The following FOCAD variants were observed in gnomAD, a reference collection of about 807,000 sequenced individuals.
The protein encoded by FOCAD is KIAA1797.
FOCAD carries 198 observed loss-of-function variants against 225.6 expected under a neutral mutation model. The ratio of observed to expected loss-of-function variants is 0.88; its 90% CI spans 0.78 to 0.99. FOCAD has a LOEUF of 0.99. Among genes scored for constraint, FOCAD ranks in the 50% least tolerant of loss-of-function variants. FOCAD has a pLI of 0.00. For synonymous variants in FOCAD, 897 were observed against 755.0 expected (o/e 1.19, Z -3.08); for missense variants, 2,713 against 2,123.6 (o/e 1.28, Z -5.46).
At chr9:20,865,858 T>C in intron 16 of FOCAD, 68 bp from the exon 17 acceptor site, 2 of 1,137,126 alleles carry the variant, frequency 1.8e-6, no homozygotes, top group South Asian at 2.8e-5. Context: ...TATTTGCTAC[T>C]TTGGATTATT....
intron 11 of FOCAD, among the ~76,000 whole-genome samples, chr9:20,817,909 G>C (rs925030796): frequency 2.0e-5 from 3 of 152,140 alleles, no homozygotes; most frequent in African/African-American, 7.2e-5. Flanking sequence ...ACTAGGAATA[G>C]AATTGCTACA....
chr9:20,781,658 A>G, intron 9 of FOCAD, 69 bp from the exon 10 acceptor site: 2 of 1,430,874 alleles, frequency 1.4e-6, no homozygotes, highest in East Asian at 2.3e-5. Flanking sequence ...ATCATTCTTA[A>G]GCAAAATTGC....
chr9:20,710,452 C>A (rs1411960363), intron 1 of FOCAD, among the ~76,000 whole-genome samples: 2 of 151,734 alleles, frequency 1.3e-5, no homozygotes. Flanking sequence ...AAAAAATTAG[C>A]CAGGCGTGGT....
intron 17 of FOCAD, 64 bp from the exon 18 acceptor site, chr9:20,866,865 T>G: frequency 2.0e-6 from 2 of 980,912 alleles, no homozygotes; most frequent in Non-Finnish European, 1.5e-6. Flanking sequence ...GTTTAATGCA[T>G]GTTGTGTTTT....
At chr9:20,814,548 GA>G (rs1227637247) in intron 11 of FOCAD, among the ~76,000 whole-genome samples, 9 of 151,748 alleles carry the variant, frequency 5.9e-5, no homozygotes, top group African/African-American at 1.9e-4. Flanking sequence ...GTAGAGATGG[GA>G]TTTCACTATG....
At chr9:20,822,759 A>G (rs931719625) in intron 14 of FOCAD, among the ~76,000 whole-genome samples, 1 of 152,014 alleles carries the variant, frequency 6.6e-6, no homozygotes, top group African/African-American at 2.4e-5. Context: ...GAAATTTGTT[A>G]AAAAGTGTCT....
chr9:20,656,073 G>A (rs1352104868), upstream of FOCAD, among the ~76,000 whole-genome samples: 3 of 151,250 alleles, frequency 2.0e-5, no homozygotes, highest in African/African-American at 2.4e-5. Flanking sequence ...CAGTTTCCAT[G>A]TAGTTGAGCG....
upstream of FOCAD, among the ~76,000 whole-genome samples, chr9:20,679,449 C>T (rs187505419): frequency 1.6e-3 from 240 of 152,256 alleles, no homozygotes; most frequent in Non-Finnish European, 2.7e-3. Flanking sequence ...TTGTGTCTCT[C>T]TCCTGATGCT....
Position 20,982,344 on chromosome 9 carries a change from TTTTC to T in FOCAD, c.4639-9_4639-6del. 1.3e-6 allele frequency: 2 copies of T among 1,592,928 alleles called. No homozygotes were observed. Among genetic ancestry groups the T allele is most frequent in the Non-Finnish European group, 1.7e-6 (2 of 1,163,672 alleles). Reference sequence around the variant, plus strand: ...CACTGTTTGTTGACATGTTTGGGATTTTTCTTTATCAGAGAAAGGATCTAGAGCT... The same window carrying T: ...CACTGTTTGTTGACATGTTTGGGATTTTTATCAGAGAAAGGATCTAGAGCT... On this transcript the variant is annotated splice_polypyrimidine_tract_variant and intron_variant, in intron 38 of 43. Coordinates refer to ENST00000338382, the MANE Select transcript of FOCAD (RefSeq NM_001375567.1).
intron 5 of FOCAD, among the ~76,000 whole-genome samples, chr9:20,747,930 C>G (rs1209864333): frequency 6.7e-6 from 1 of 149,258 alleles, no homozygotes; most frequent in Non-Finnish European, 1.5e-5. Context: ...TTTTTCATAT[C>G]TACATACATT....
intron 1 of FOCAD, among the ~76,000 whole-genome samples, chr9:20,703,466 A>T (rs1488208057): frequency 1.3e-5 from 2 of 152,086 alleles, no homozygotes; most frequent in Non-Finnish European, 2.9e-5. Context: ...TTTTCAGCAT[A>T]TGAGTTAAAA....
intron 4 of FOCAD, among the ~76,000 whole-genome samples, chr9:20,735,301 A>C (rs965973782): frequency 6.6e-6 from 1 of 152,080 alleles, no homozygotes; most frequent in African/African-American, 2.4e-5. Flanking sequence ...AATTTTAGTT[A>C]CAGATTTTTC....
At chr9:20,780,823 T>G (rs1819287586) in intron 9 of FOCAD, among the ~76,000 whole-genome samples, 1 of 152,192 alleles carries the variant, frequency 6.6e-6, no homozygotes, top group Non-Finnish European at 1.5e-5. Flanking sequence ...AATTATGGAT[T>G]AAGACCAATA....
chr9:20,742,068 ATCT>A (rs1168259486), intron 5 of FOCAD, among the ~76,000 whole-genome samples: 1 of 152,194 alleles, frequency 6.6e-6, no homozygotes, highest in Non-Finnish European at 1.5e-5. Context: ...ATTTTAGAAC[ATCT>A]TCATCATCTC....
Position 20,880,258 on chromosome 9 carries a change from C to T in FOCAD, c.2318-1613C>T, listed in dbSNP as rs144733173. ...GGGAAACTCACAAGAGATGGTAAAC[C>T]GTCTCAGAGTGCTTAATGTCTCTGG... On this transcript the variant is annotated intron_variant, in intron 19 of 43. Transcript: ENST00000338382. 5.3e-3 allele frequency among the ~76,000 whole-genome samples: 801 copies of T among 152,174 alleles called. 7 individuals carry two copies. The highest frequency in any genetic ancestry group is 0.014 in the South Asian group (69 of 4,814).
chr9:20,976,448 T>G lies in FOCAD; in HGVS notation c.4161T>G (p.Leu1387=), dbSNP rs1840240175. ...CTGAATCTGTGCCTCCTTCCCTTCT[T>G]AAAGTAGTGATGAAACCCATAGCAA... is the stretch of plus-strand genomic sequence containing the variant. ...KGPESVPPSL[L]KVVMKPIATV... is the part of the protein sequence containing the mutation. The change falls in exon 36 of 44, where the codon CTT becomes CTG. Residue 1387 remains leucine, a synonymous_variant. Coordinates refer to ENST00000338382, the MANE Select transcript of FOCAD (RefSeq NM_001375567.1). The G allele has an allele frequency of 6.2e-7, 1 of 1,613,114 alleles. No homozygotes were observed. Among genetic ancestry groups the G allele is most frequent in the Admixed American group, 1.7e-5 (1 of 59,968 alleles).
chr9:20,798,613 A>G (rs1821411073), intron 11 of FOCAD, among the ~76,000 whole-genome samples: 1 of 152,072 alleles, frequency 6.6e-6, no homozygotes, highest in Non-Finnish European at 1.5e-5. Context: ...CATTTCTTCT[A>G]GATTTTCTAG....
At chr9:20,754,328 C>G (rs1056853021) in intron 5 of FOCAD, among the ~76,000 whole-genome samples, 1 of 152,108 alleles carries the variant, frequency 6.6e-6, no homozygotes, top group African/African-American at 2.4e-5. Flanking sequence ...CTATCATACC[C>G]AAATTAGCAT....
intron 24 of FOCAD, among the ~76,000 whole-genome samples, chr9:20,919,269 A>G (rs1052255200): frequency 6.6e-6 from 1 of 152,202 alleles, no homozygotes; most frequent in African/African-American, 2.4e-5. Flanking sequence ...GACGTGAAGG[A>G]CCTCTTCAAG....
Sources: allele counts gnomAD v4.1 joint callset (sites outside exome capture counted in the v4.1 genomes callset), GRCh38; gene constraint gnomAD v4.1.1; transcripts MANE v1.5; gene names NCBI Gene and HGNC (gene_info 2026-07-23, HGNC 2026-07-21).